Variants in ZNF644 observed in about 807,000 individuals in gnomAD.
ZNF644 encodes zinc finger motif enhancer binding protein 2.
A neutral mutation model predicts 108.0 loss-of-function variants in ZNF644; 20 were observed. The observed-to-expected ratio is 0.19, with a 90% CI of 0.13 to 0.27. The LOEUF (loss-of-function observed/expected upper bound fraction) is 0.27, where lower values mean the gene tolerates loss of function less well. ZNF644 is among the 10% of genes least tolerant of loss of function. The pLI, the probability that ZNF644 is intolerant of heterozygous loss-of-function variation, is 1.00. For missense variants in ZNF644, 1,338 were observed against 1,548.9 expected (o/e 0.86, Z 2.29); for synonymous variants, 542 against 539.1 (o/e 1.01, Z -0.08).
At chr1:91,017,416 C>T (rs1000537683) in intron 1 of ZNF644, among the ~76,000 whole-genome samples, 1 of 152,152 alleles carries the variant, frequency 6.6e-6, no homozygotes, top group African/African-American at 2.4e-5. Context: ...CCCAGAAACG[C>T]TAATCTTAAT....
Position 90,918,235 on chromosome 1 carries a change from GAC to G in ZNF644, c.3689-83_3689-82del, listed in dbSNP as rs1037219173. On this transcript the variant is annotated intron_variant, in intron 4 of 5. Coordinates refer to ENST00000337393, the MANE Select transcript of ZNF644 (RefSeq NM_201269.3). ...CACACATATTTTTCTAGAGAGGTCA[GAC>G]AGACCATCTAAATCAGTTAGAAAAA... 9.6e-6 allele frequency: 11 copies of G among 1,148,452 alleles called. No individual in the cohort carries two copies. In the Admixed American group the frequency reaches 1.7e-4, roughly 18 times the overall value. The allele number at this position is 1,148,452 out of a possible 1,614,324, so 71.1% of individuals were successfully genotyped here.
At position 90,941,192 on chromosome 1, in the gene ZNF644, GCT is replaced by G; in HGVS notation, c.160_161del (p.Ser54ArgfsTer4). ...DDNNFISDKE[S>X]GVHKPKDCQT... ...GACAATCTTTTGGCTTATGAACTCC[GCT>G]CTCTTTGTCTGAGATAAAATTGTTG... On this transcript the variant is annotated frameshift_variant, in exon 3 of 6. Coordinates refer to ENST00000337393, the MANE Select transcript of ZNF644 (RefSeq NM_201269.3). LOFTEE classifies it high-confidence loss of function. 6.2e-7 allele frequency: 1 copy of G among 1,610,532 alleles called. No individual in the cohort carries two copies. Among genetic ancestry groups the G allele is most frequent in the Non-Finnish European group, 8.5e-7 (1 of 1,178,738 alleles).
chr1:90,941,302 C>T lies in ZNF644; in HGVS notation c.52G>A (p.Val18Met), dbSNP rs150226399. The change falls in exon 3 of 6, where the codon GTG becomes ATG. Residue 18 changes from valine to methionine, a missense_variant. Physicochemically the swap from Val to Met is conservative, Grantham distance 21. This residue lies in a region of ZNF644 where 464 missense variants were observed against 457.9 expected (regional missense o/e 1.01). Transcript: ENST00000337393. ...DVNKTKSRLN[V>M]LNGLANNMDD... ...ATATTGTTGGCAAGCCCATTTAACA[C>T]ATTTAGTCTAGAAAATGGAAAAAAA... The T allele has an allele frequency of 3.6e-4, 579 of 1,598,202 alleles. No homozygotes were observed. The highest frequency in any genetic ancestry group is 4.5e-4 in the Non-Finnish European group (533 of 1,176,118).
In ZNF644 at chr1:90,938,187, A is replaced by G. The variant is rs189413613; in HGVS notation, c.3082+85T>C. ...TGAAACATAAAATTATGATTCTAAT[A>G]AAGACTAAATTCAAAAAAAACTTTT... is the stretch of plus-strand genomic sequence containing the variant. On this transcript the variant is annotated intron_variant, in intron 3 of 5. Coordinates refer to ENST00000337393, the MANE Select transcript of ZNF644 (RefSeq NM_201269.3). This position sits in a 1 kb window ranked among gnomAD's most constrained non-coding sequence, Gnocchi z 4.2. 58 of 1,607,926 alleles carry G rather than the reference A, an allele frequency of 3.6e-5. No individual in the cohort carries two copies. Among genetic ancestry groups the G allele is most frequent in the Admixed American group, 3.2e-4 (19 of 59,756 alleles).
intron 2 of ZNF644, among the ~76,000 whole-genome samples, chr1:90,968,454 T>C (rs1655148549): frequency 1.3e-5 from 2 of 152,208 alleles, no homozygotes; most frequent in African/African-American, 2.4e-5. Flanking sequence ...CTCATTTTAA[T>C]GTGATGTGTG....
chr1:91,008,973 T>G (rs1659694778), intron 1 of ZNF644, among the ~76,000 whole-genome samples: 1 of 152,128 alleles, frequency 6.6e-6, no homozygotes, highest in South Asian at 2.1e-4. Context: ...TCTCAGCAGC[T>G]CACACCTGTA....
chr1:90,981,658 ATAT>A (rs1330963802), intron 2 of ZNF644, among the ~76,000 whole-genome samples: 8 of 152,208 alleles, frequency 5.3e-5, no homozygotes, highest in African/African-American at 1.7e-4. Context: ...TCAACGGCTT[ATAT>A]TATTAAAAAG....
intron 1 of ZNF644, among the ~76,000 whole-genome samples, chr1:90,987,149 A>T (rs1455806231): frequency 6.6e-6 from 1 of 151,000 alleles, no homozygotes; most frequent in Non-Finnish European, 1.5e-5. Flanking sequence ...ACCAAATAGT[A>T]GCAGAAGGGA....
intron 2 of ZNF644, among the ~76,000 whole-genome samples, chr1:90,955,346 G>A (rs1653648311): frequency 6.6e-6 from 1 of 152,144 alleles, no homozygotes; most frequent in South Asian, 2.1e-4. Flanking sequence ...TAACAAGAGG[G>A]TCCGCCTGTC....
intron 1 of ZNF644, among the ~76,000 whole-genome samples, chr1:91,012,115 A>G (rs1330913307): frequency 2.0e-5 from 3 of 152,168 alleles, no homozygotes; most frequent in East Asian, 3.9e-4. Context: ...CTGGGGGGAA[A>G]AAAGGGCCAT....
At chr1:90,970,064 A>C (rs2101267268) in intron 2 of ZNF644, among the ~76,000 whole-genome samples, 2 of 152,354 alleles carry the variant, frequency 1.3e-5, no homozygotes, top group Middle Eastern at 6.8e-3. Context: ...TGTGAGCAGA[A>C]TACCAGTTTA....
intron 1 of ZNF644, among the ~76,000 whole-genome samples, chr1:91,001,676 T>A (rs1385936570): frequency 6.6e-6 from 1 of 152,138 alleles, no homozygotes; most frequent in Non-Finnish European, 1.5e-5. Context: ...GTGTTGGAAG[T>A]TCTGGCCAGG....
chr1:91,013,484 TA>T (rs1660159784), intron 1 of ZNF644, among the ~76,000 whole-genome samples: 1 of 104,978 alleles, frequency 9.5e-6, no homozygotes, highest in Non-Finnish European at 2.1e-5. Context: ...CACACACACA[TA>T]CACACACACA....
At chr1:90,965,387 T>A (rs1349653819) in intron 2 of ZNF644, among the ~76,000 whole-genome samples, 7 of 152,162 alleles carry the variant, frequency 4.6e-5, no homozygotes, top group Non-Finnish European at 7.3e-5. Context: ...CTCCTTTTTA[T>A]AAGCACATCA....
chr1:90,979,390 T>C (rs1219071511), intron 2 of ZNF644, among the ~76,000 whole-genome samples: 3 of 152,252 alleles, frequency 2.0e-5, no homozygotes, highest in East Asian at 1.9e-4. Context: ...GGAGAATTGC[T>C]TGAACCTGGG....
intron 2 of ZNF644, among the ~76,000 whole-genome samples, chr1:90,974,194 G>C (rs75866645): frequency 6.6e-6 from 1 of 151,966 alleles, no homozygotes; most frequent in African/African-American, 2.4e-5. Flanking sequence ...ACAAAAATTA[G>C]CTGGGCAAGG....
chr1:90,978,335 A>G (rs1430636596), intron 2 of ZNF644, among the ~76,000 whole-genome samples: 1 of 151,610 alleles, frequency 6.6e-6, no homozygotes, highest in Non-Finnish European at 1.5e-5. Context: ...CTGGGCAACA[A>G]GAGCAAAACT....
intron 2 of ZNF644, among the ~76,000 whole-genome samples, chr1:90,952,082 C>T (rs1051734184): frequency 3.9e-5 from 6 of 152,158 alleles, no homozygotes; most frequent in Non-Finnish European, 1.5e-5. Context: ...CCCTGACTCC[C>T]AGTCTTAGAA....
At chr1:90,926,138 A>T (rs376399610) in intron 4 of ZNF644, among the ~76,000 whole-genome samples, 2 of 152,348 alleles carry the variant, frequency 1.3e-5, no homozygotes, top group Middle Eastern at 3.4e-3. Flanking sequence ...TGAACTGACC[A>T]GCATTCCTTA....
Sources: allele counts gnomAD v4.1 joint callset (sites outside exome capture counted in the v4.1 genomes callset), GRCh38; gene constraint gnomAD v4.1.1; regional missense constraint gnomAD v4.1.1; non-coding constraint Gnocchi (gnomAD v3.1); transcripts MANE v1.5; gene names NCBI Gene and HGNC (gene_info 2026-07-23, HGNC 2026-07-21).